CSNK1G3: variants seen among roughly 807,000 people sequenced by gnomAD.
CSNK1G3 encodes the protein casein kinase I isoform gamma-3.
Under a neutral mutation model 64.3 loss-of-function variants are expected in CSNK1G3, and 23 were observed. The observed-to-expected ratio is 0.36, with a 90% CI of 0.26 to 0.51. The LOEUF is 0.51. Ranked by LOEUF, CSNK1G3 falls within the 20% of genes least tolerant of loss-of-function variation. The pLI is 0.96. For synonymous variants in CSNK1G3, 158 were observed against 162.2 expected (o/e 0.97, Z 0.20); for missense variants, 357 against 510.5 (o/e 0.70, Z 2.90).
intron 4 of CSNK1G3, among the ~76,000 whole-genome samples, chr5:123,569,356 G>T (rs1787613153): frequency 6.6e-6 from 1 of 152,082 alleles, no homozygotes; most frequent in Non-Finnish European, 1.5e-5. Context: ...ACCAAAATTT[G>T]ACAAGTGGTC....
At chr5:123,545,753 G>T (rs144555645) in exon 2 of CSNK1G3, 2 of 1,613,618 alleles carry the variant, frequency 1.2e-6, no homozygotes, top group Non-Finnish European at 1.7e-6. Context: ...GAGGAACTGG[G>T]TCTTCATCGT....
rs115362567 is a variant in CSNK1G3 at position 123,535,837 on chromosome 5, A to T, written c.-247-9580A>T. ...AATTTTGATGTTCAATTTTAAGCTA[A>T]CTCATCACTTCTTTCTGCCTCTCTC... On this transcript the variant is annotated intron_variant, in intron 1 of 12. Coordinates refer to ENST00000345990, the Ensembl canonical transcript of CSNK1G3. Among the ~76,000 whole-genome samples, 292 of 152,226 alleles carry T rather than the reference A, an allele frequency of 1.9e-3. 1 individual carries two copies. The highest frequency in any genetic ancestry group is 7.0e-3 in the African/African-American group (290 of 41,558).
At chr5:123,582,031 A>G (rs974770294) in intron 6 of CSNK1G3, among the ~76,000 whole-genome samples, 8 of 151,812 alleles carry the variant, frequency 5.3e-5, no homozygotes, top group African/African-American at 1.9e-4. Context: ...TAGTAAGTTT[A>G]TTTTTGCAAA....
intron 1 of CSNK1G3, among the ~76,000 whole-genome samples, chr5:123,516,809 T>C (rs767241566): frequency 1.1e-4 from 17 of 152,228 alleles, no homozygotes; most frequent in African/African-American, 4.1e-4. Context: ...TTTTCTTAAA[T>C]ACAAAGTTTA....
At chr5:123,556,772 GTGT>G (rs1482133506) in intron 3 of CSNK1G3, among the ~76,000 whole-genome samples, 1 of 148,626 alleles carries the variant, frequency 6.7e-6, no homozygotes, top group Non-Finnish European at 1.5e-5. Context: ...GTTTGTGTGT[GTGT>G]GTGTGTGTGT....
intron 1 of CSNK1G3, among the ~76,000 whole-genome samples, chr5:123,518,880 G>A (rs754922874): frequency 6.6e-6 from 1 of 152,082 alleles, no homozygotes; most frequent in Non-Finnish European, 1.5e-5. Flanking sequence ...GTGCTTCAGC[G>A]TCCCAAGTAG....
At position 123,561,220 on chromosome 5, in the gene CSNK1G3, TG is replaced by T. The variant is rs1283622057; in HGVS notation, c.289+3657del. Reference sequence around the variant, plus strand: ...ACTCTCTGGGATAGCAAAAATTTAATGTATTGAATAGTCTTGTTTTGTCACA... The same window carrying T: ...ACTCTCTGGGATAGCAAAAATTTAATTATTGAATAGTCTTGTTTTGTCACA... On this transcript the variant is annotated intron_variant, in intron 4 of 12. Coordinates refer to ENST00000345990, the Ensembl canonical transcript of CSNK1G3. 2.0e-5 allele frequency among the ~76,000 whole-genome samples: 3 copies of T among 152,166 alleles called. No individual in the cohort carries two copies. In the East Asian group the frequency reaches 5.8e-4, roughly 29 times the overall value.
intron 1 of CSNK1G3, among the ~76,000 whole-genome samples, chr5:123,532,356 A>T (rs1780074380): frequency 6.6e-6 from 1 of 151,904 alleles, no homozygotes; most frequent in Non-Finnish European, 1.5e-5. Flanking sequence ...CATGTATTAC[A>T]AACTGCCCTA....
intron 1 of CSNK1G3, among the ~76,000 whole-genome samples, chr5:123,524,473 G>A (rs1187290765): frequency 6.6e-6 from 1 of 152,014 alleles, no homozygotes; most frequent in African/African-American, 2.4e-5. Context: ...AAGAAGCAGG[G>A]GTGTGGTTGC....
intron 5 of CSNK1G3, among the ~76,000 whole-genome samples, chr5:123,574,835 A>T (rs1472835084): frequency 2.0e-5 from 3 of 152,106 alleles, no homozygotes; most frequent in Admixed American, 1.3e-4. Flanking sequence ...GCCCCCACAC[A>T]CAAAACATCA....
chr5:123,562,446 G>A (rs1785942305), intron 4 of CSNK1G3, among the ~76,000 whole-genome samples: 1 of 151,972 alleles, frequency 6.6e-6, no homozygotes, highest in East Asian at 1.9e-4. Flanking sequence ...TTGGTAAATG[G>A]TTGAAAGAAT....
chr5:123,595,833 A>G (rs528487125), intron 10 of CSNK1G3, among the ~76,000 whole-genome samples: 2 of 152,182 alleles, frequency 1.3e-5, no homozygotes, highest in South Asian at 4.1e-4. Context: ...TCATTTATGT[A>G]TATTGTAGAA....
At chr5:123,601,433 C>G (rs1317315164) in intron 10 of CSNK1G3, among the ~76,000 whole-genome samples, 2 of 152,086 alleles carry the variant, frequency 1.3e-5, no homozygotes, top group African/African-American at 2.4e-5. Context: ...GGATACTAGC[C>G]TTTACTGAGA....
At chr5:123,546,007 G>T (rs1782456048) in intron 2 of CSNK1G3, 166 bp downstream of exon 2, 3 of 642,762 alleles carry the variant, frequency 4.7e-6, no homozygotes, top group Non-Finnish European at 7.9e-6. Context: ...ATTTTCATGT[G>T]TAAGGAATTC....
intron 1 of CSNK1G3, among the ~76,000 whole-genome samples, chr5:123,542,882 G>A (rs1269512057): frequency 6.8e-6 from 1 of 147,734 alleles, no homozygotes; most frequent in Non-Finnish European, 1.5e-5. Flanking sequence ...GTGTGTGTGT[G>A]TGTGTTTACC....
At position 123,576,522 on chromosome 5, in the gene CSNK1G3, G is replaced by A. The variant is rs566204486; in HGVS notation, c.673+559G>A. ...TATCAACTTCACAGGATTTTTTATA[G>A]CATTCTTCCTTCACCCAGATTCATA... On this transcript the variant is annotated intron_variant, in intron 6 of 12. Transcript: ENST00000345990. 2.0e-5 allele frequency among the ~76,000 whole-genome samples: 3 copies of A among 152,192 alleles called. No individual in the cohort carries two copies. The South Asian group carries it at 6.2e-4, about 32-fold the overall frequency.
intron 4 of CSNK1G3, among the ~76,000 whole-genome samples, chr5:123,567,473 G>A (rs1286765510): frequency 6.6e-6 from 1 of 152,110 alleles, no homozygotes; most frequent in Non-Finnish European, 1.5e-5. Flanking sequence ...GGGCGTGGTG[G>A]CAGGTGCCTA....
intron 10 of CSNK1G3, among the ~76,000 whole-genome samples, chr5:123,600,156 G>A (rs1383444783): frequency 6.6e-6 from 1 of 152,080 alleles, no homozygotes; most frequent in Non-Finnish European, 1.5e-5. Flanking sequence ...TATCTCATTA[G>A]TGTGCTTTCT....
intron 3 of CSNK1G3, 33 bp downstream of exon 3, chr5:123,553,180 T>C: frequency 8.7e-7 from 1 of 1,151,868 alleles, no homozygotes; most frequent in Non-Finnish European, 1.2e-6. Context: ...TTCTTAATGA[T>C]TTCTTTGTTA....
Sources: gnomAD v4.1 joint callset for allele counts (sites outside exome capture counted in the v4.1 genomes callset) on GRCh38, gnomAD v4.1.1 for gene constraint, MANE v1.5 for transcripts, NCBI Gene and HGNC (gene_info 2026-07-23, HGNC 2026-07-21) for gene names.